CPSF6: variants seen among roughly 807,000 people sequenced by gnomAD.
CPSF6 encodes cleavage and polyadenylation specificity factor subunit 6.
Under a neutral mutation model 56.7 loss-of-function variants are expected in CPSF6, and 10 were observed. That is an observed-to-expected ratio of 0.18 (90% CI 0.11 to 0.30). The LOEUF (loss-of-function observed/expected upper bound fraction) is 0.30. CPSF6 is among the 10% of genes least tolerant of loss of function. The pLI is 1.00. For missense variants in CPSF6, 419 were observed against 722.9 expected (o/e 0.58, Z 4.82); for synonymous variants, 248 against 244.8 (o/e 1.01, Z -0.12).
rs1379592631 is a variant in CPSF6, at chr12:69,258,942, T to G, written c.1047T>G (p.Gly349=). The G allele has an allele frequency of 6.2e-7, 1 of 1,613,958 alleles. No homozygotes were observed. The highest frequency in any genetic ancestry group is 1.3e-5 in the African/African-American group (1 of 74,904). The part of the protein sequence containing the change: ...PPPHLPGPPP[G]APPPAPHVNP... ...CGCATCTTCCTGGACCACCTCCAGG[T>G]GCCCCACCGCCAGCTCCGCATGTGA... The change falls in exon 6 of 10, where the codon GGT becomes GGG. Residue 349 remains glycine (G), a synonymous_variant. Transcript: ENST00000435070. This position sits in a 1 kb window ranked among gnomAD's most constrained non-coding sequence, Gnocchi z 4.2.
intron 2 of CPSF6, among the ~76,000 whole-genome samples, chr12:69,251,915 A>G (rs1872260837): frequency 6.6e-6 from 1 of 152,216 alleles, no homozygotes; most frequent in Non-Finnish European, 1.5e-5. Context: ...TTAATATTAC[A>G]TCTTAAGTAT....
chr12:69,254,772 TA>T (rs1014545778), intron 3 of CPSF6, among the ~76,000 whole-genome samples: 1 of 152,170 alleles, frequency 6.6e-6, no homozygotes, highest in Non-Finnish European at 1.5e-5. Flanking sequence ...TATTGAACAT[TA>T]GGGGGAAAAG....
chr12:69,252,109 C>G (rs1258879769), intron 2 of CPSF6: 1 of 454,748 alleles, frequency 2.2e-6, no homozygotes, highest in South Asian at 1.6e-5. Flanking sequence ...TTGCAAAACT[C>G]TGTCACCCAG....
chr12:69,239,825 C>T lies in CPSF6; in HGVS notation c.60+119C>T, dbSNP rs1871504820. On this transcript the variant is annotated intron_variant, in intron 1 of 9. Coordinates refer to ENST00000435070, the MANE Select transcript of CPSF6 (RefSeq NM_007007.3). ...TGCAGAGTGTGCGCCCTTGCCGCCT[C>T]TGGGCCGCGCCGCCGACCCCTGGCG... 16 of 875,462 alleles carry T rather than the reference C, an allele frequency of 1.8e-5. No individual in the cohort carries two copies. In the South Asian group the frequency reaches 7.3e-4, roughly 40 times the overall value. The allele number at this position is 875,462 out of a possible 1,614,324, so 54.2% of individuals were successfully genotyped here.
At position 69,239,651 on chromosome 12, in the gene CPSF6, C is replaced by T. The variant is rs1242091423; in HGVS notation, c.5C>T (p.Ala2Val). 3.2e-6 allele frequency: 5 copies of T among 1,575,550 alleles called. No individual in the cohort carries two copies. Among genetic ancestry groups the T allele is most frequent in the East Asian group, 2.5e-5 (1 of 40,330 alleles). M[A>V]DGVDHIDIYA... Reference sequence around the variant, plus strand: ...GGCGGCCGAGGCTGAAGGAAGATGGCGGACGGCGTGGACCACATAGACATT... The same window carrying T: ...GGCGGCCGAGGCTGAAGGAAGATGGTGGACGGCGTGGACCACATAGACATT... Residue 2 changes from alanine to valine, a missense_variant, in exon 1 of 10, where the codon GCG becomes GTG. Transcript: ENST00000435070.
chr12:69,251,555 T>G (rs1872245166), intron 2 of CPSF6, among the ~76,000 whole-genome samples: 3 of 152,174 alleles, frequency 2.0e-5, no homozygotes, highest in Admixed American at 2.0e-4. Context: ...CTTTTCTTGG[T>G]GGAGATACTA....
intron 3 of CPSF6, among the ~76,000 whole-genome samples, chr12:69,255,891 G>A (rs1872489026): frequency 6.6e-6 from 1 of 152,128 alleles, no homozygotes; most frequent in South Asian, 2.1e-4. Context: ...GTGGGTATGG[G>A]GTGGTATCTT....
At position 69,258,442 on chromosome 12, in the gene CPSF6, G is replaced by A. The variant is rs1322384598; in HGVS notation, c.695-148G>A. 1 of 782,222 alleles carries A rather than the reference G, an allele frequency of 1.3e-6. No individual in the cohort carries two copies. The highest frequency in any genetic ancestry group is 3.2e-5 in the Admixed American group (1 of 31,632). 48.5% of individuals were successfully genotyped at this position (782,222 alleles called of 1,614,324 possible). A position where few individuals can be genotyped will look rare whatever the true frequency, so the allele number is the denominator to read the frequency against. On this transcript the variant is annotated intron_variant, in intron 5 of 9. Coordinates refer to ENST00000435070, the MANE Select transcript of CPSF6 (RefSeq NM_007007.3). This position sits in a 1 kb window ranked among gnomAD's most constrained non-coding sequence, Gnocchi z 4.2. ...GTAAGGATATACTTCATTGTAGTTG[G>A]TAGTGTAACATTTACCATACGGGTT...
At position 69,258,903 on chromosome 12, in the gene CPSF6, A is replaced by G. The variant is rs1323756094; in HGVS notation, c.1008A>G (p.Thr336=). The G allele has an allele frequency of 6.2e-7, 1 of 1,613,482 alleles. No homozygotes were observed. Among genetic ancestry groups the G allele is most frequent in the East Asian group, 2.2e-5 (1 of 44,850 alleles). The change falls in exon 6 of 10, where the codon ACA becomes ACG. Residue 336 remains threonine (T), a synonymous_variant. Transcript: ENST00000435070. The surrounding 1 kb of genome is among the most constrained non-coding windows in gnomAD (Gnocchi z 4.2). ...RPPGPLGPPL[T]LAPPPHLPGP... The stretch of plus-strand genomic sequence containing the variant: ...CCGGTCCACTTGGGCCACCCCTTAC[A>G]CTAGCTCCTCCTCCGCATCTTCCTG...
Position 69,253,024 on chromosome 12 carries a change from G to A in CPSF6, c.271-27G>A, listed in dbSNP as rs779801736. 5 of 1,319,060 alleles carry A rather than the reference G, an allele frequency of 3.8e-6. No individual in the cohort carries two copies. The Admixed American group carries it at 1.2e-4, about 31-fold the overall frequency. 81.7% of individuals were successfully genotyped at this position (1,319,060 alleles called of 1,614,324 possible). On this transcript the variant is annotated intron_variant, in intron 2 of 9. Transcript: ENST00000435070. ...TAAAAATCTTGGTTTTATTTTAATG[G>A]TTAATGAGGGGGAAAATATCTTGCA...
Position 69,258,726 on chromosome 12 carries a change from T to G in CPSF6, c.831T>G (p.Val277=). ...GAGGAGATCGCCCTCCACCACCAGT[T>G]CTTTTTCCTGGACAACCTTTTGGGC... ...PNRGDRPPPP[V]LFPGQPFGQP... Residue 277 remains valine, a synonymous_variant, in exon 6 of 10, where the codon GTT becomes GTG. Coordinates refer to ENST00000435070, the MANE Select transcript of CPSF6 (RefSeq NM_007007.3). This position sits in a 1 kb window ranked among gnomAD's most constrained non-coding sequence, Gnocchi z 4.2. The G allele has an allele frequency of 6.2e-7, 1 of 1,613,996 alleles. No individual in the cohort carries two copies. Among genetic ancestry groups the G allele is most frequent in the Non-Finnish European group, 8.5e-7 (1 of 1,179,974 alleles).
chr12:69,249,152 CGGGGG>C (rs548477892), intron 1 of CPSF6, among the ~76,000 whole-genome samples: 509 of 16,616 alleles, frequency 0.031, 92 homozygotes, highest in African/African-American at 0.17. Flanking sequence ...CCCAGCTACT[CGGGGG>C]GGGGGGGGGG....
In CPSF6 at chr12:69,258,700, C is replaced by A; in HGVS notation, c.805C>A (p.Arg269=). ...LPPPLAGPPN[R]GDRPPPPVLF... is the part of the protein sequence containing the mutation. ...TCCTCCTCTAGCTGGGCCTCCTAAT[C>A]GAGGAGATCGCCCTCCACCACCAGT... Residue 269 remains arginine (R), a synonymous_variant, in exon 6 of 10, where the codon CGA becomes AGA. Coordinates refer to ENST00000435070, the MANE Select transcript of CPSF6 (RefSeq NM_007007.3). The surrounding 1 kb of genome is among the most constrained non-coding windows in gnomAD (Gnocchi z 4.2). 1 of 1,614,054 alleles carries A rather than the reference C, an allele frequency of 6.2e-7. No homozygotes were observed. The highest frequency in any genetic ancestry group is 1.1e-5 in the South Asian group (1 of 91,076).
At chr12:69,252,479 G>A (rs1872298462) in intron 2 of CPSF6, among the ~76,000 whole-genome samples, 1 of 152,124 alleles carries the variant, frequency 6.6e-6, no homozygotes, top group South Asian at 2.1e-4. Context: ...TGGTTGCTAA[G>A]TAAGTATTTG....
chr12:69,267,939 T>C (rs1873071004), intron 9 of CPSF6, among the ~76,000 whole-genome samples: 1 of 151,860 alleles, frequency 6.6e-6, no homozygotes, highest in Non-Finnish European at 1.5e-5. Context: ...GTATGTGATA[T>C]GTTTTATGGA....
At chr12:69,261,891 C>T (rs1330766200) in intron 8 of CPSF6, among the ~76,000 whole-genome samples, 3 of 152,070 alleles carry the variant, frequency 2.0e-5, no homozygotes, top group Non-Finnish European at 4.4e-5. Context: ...ATATAACATG[C>T]GTATTAGAAG....
Position 69,270,760 on chromosome 12 carries a change from C to T in CPSF6, c.*1252C>T, listed in dbSNP as rs1389260864. The T allele has an allele frequency of 4.0e-5, 6 of 151,776 alleles. No individual in the cohort carries two copies. Among genetic ancestry groups the T allele is most frequent in the South Asian group, 4.1e-4 (2 of 4,826 alleles). 9.4% of individuals were successfully genotyped at this position (151,776 alleles called of 1,614,324 possible). On this transcript the variant is annotated 3_prime_UTR_variant, in exon 10 of 10. Transcript: ENST00000435070. ...TACATATAGGCCCACTTTAAAAGCA[C>T]CTGACTAGCATGTGTTCTTGATTGC... is the stretch of plus-strand genomic sequence containing the variant.
In CPSF6 at chr12:69,273,389, TC is replaced by T. The variant is rs1236008656; in HGVS notation, c.*3883del. The stretch of plus-strand genomic sequence containing the variant: ...ACAGATTTTAATGTCTTTAAAGACT[TC>T]CTGCTGTATTAACATATTGTAATGG... On this transcript the variant is annotated 3_prime_UTR_variant, in exon 10 of 10. Transcript: ENST00000435070. 1.0e-5 allele frequency: 2 copies of T among 195,180 alleles called. No homozygotes were observed. Among genetic ancestry groups the T allele is most frequent in the African/African-American group, 2.4e-5 (1 of 42,282 alleles). The allele number at this position is 195,180 out of a possible 1,614,324, so 12.1% of individuals were successfully genotyped here.
At chr12:69,239,740 G>A in intron 1 of CPSF6, 34 bp downstream of exon 1, 1 of 1,553,222 alleles carries the variant, frequency 6.4e-7, no homozygotes, top group South Asian at 1.2e-5. Context: ...CCGCCGACGC[G>A]GGCGGCGCTG....
Sources: gnomAD v4.1 joint callset for allele counts (sites outside exome capture counted in the v4.1 genomes callset) on GRCh38, gnomAD v4.1.1 for gene constraint, Gnocchi (gnomAD v3.1) non-coding constraint, MANE v1.5 for transcripts, NCBI Gene and HGNC (gene_info 2026-07-23, HGNC 2026-07-21) for gene names.